CHMP4B: variants seen among roughly 807,000 people sequenced by gnomAD.
The protein encoded by CHMP4B is charged multivesicular body protein 4B, also known as SNF7 homolog associated with Alix 1.
A neutral mutation model predicts 25.1 loss-of-function variants in CHMP4B; 1 was observed. The observed-to-expected ratio is 0.04, with a 90% CI of 0.01 to 0.19. The LOEUF (loss-of-function observed/expected upper bound fraction) is 0.19. Among genes scored for constraint, CHMP4B ranks in the 10% least tolerant of loss-of-function variants. The pLI is 1.00. For synonymous variants in CHMP4B, 101 were observed against 115.6 expected, an observed-to-expected ratio of 0.87 and a Z score of 0.81; for missense variants, 151 against 289.7, an observed-to-expected ratio of 0.52 and a Z score of 3.48.
intron 1 of CHMP4B, among the ~76,000 whole-genome samples, chr20:33,813,505 G>C (rs1348978746): frequency 6.6e-6 from 1 of 152,152 alleles, no homozygotes; most frequent in Admixed American, 6.5e-5. Flanking sequence ...TTGTGGCTTG[G>C]ACTCCAGCTT....
chr20:33,849,878 C>T (rs1380072154), intron 2 of CHMP4B, among the ~76,000 whole-genome samples: 1 of 152,178 alleles, frequency 6.6e-6, no homozygotes, highest in East Asian at 1.9e-4. Context: ...TGGGCTCAAG[C>T]CATCCTCTCA....
intron 3 of CHMP4B, 23 bp from the exon 4 acceptor site, chr20:33,852,054 C>A: frequency 6.2e-7 from 1 of 1,613,386 alleles, no homozygotes; most frequent in South Asian, 1.1e-5. Flanking sequence ...GGAGGGCGCT[C>A]ACTTTGTGTT....
chr20:33,832,032 A>T (rs567082831), intron 1 of CHMP4B, among the ~76,000 whole-genome samples: 1 of 152,306 alleles, frequency 6.6e-6, no homozygotes, highest in Non-Finnish European at 1.5e-5. Flanking sequence ...TTCCAAAAGC[A>T]TAAAAGGCTG....
chr20:33,814,734 A>G (rs1003264882), intron 1 of CHMP4B, among the ~76,000 whole-genome samples: 6 of 152,224 alleles, frequency 3.9e-5, no homozygotes, highest in Non-Finnish European at 7.3e-5. Context: ...AGCTCAGTGC[A>G]GCCTGGCACT....
intron 1 of CHMP4B, among the ~76,000 whole-genome samples, chr20:33,831,957 C>G (rs1979264767): frequency 6.6e-6 from 1 of 152,218 alleles, no homozygotes; most frequent in African/African-American, 2.4e-5. Flanking sequence ...GTGCCCTTCA[C>G]CCCTTGCTGC....
At chr20:33,818,922 T>TTTG (rs1568605253) in intron 1 of CHMP4B, among the ~76,000 whole-genome samples, 177 of 152,278 alleles carry the variant, frequency 1.2e-3, no homozygotes, top group African/African-American at 4.0e-3. Flanking sequence ...TTGTTTGTTT[T>TTTG]TTTTTGAGAT....
intron 1 of CHMP4B, among the ~76,000 whole-genome samples, chr20:33,845,100 C>G (rs769206130): frequency 1.3e-5 from 2 of 152,008 alleles, no homozygotes; most frequent in Admixed American, 1.3e-4. Context: ...CACTTGCTGT[C>G]GTTCTGAGAC....
rs189336742 is a variant in CHMP4B, at chr20:33,838,557, C to T, written c.191-9910C>T. ...ATATTCAAATTTACGTATTAAGACACGACTTAAGACATGGGACAAATGAAG... is the reference window on the plus strand; with the variant it reads ...ATATTCAAATTTACGTATTAAGACATGACTTAAGACATGGGACAAATGAAG... On this transcript the variant is annotated intron_variant, in intron 1 of 4. Coordinates refer to ENST00000217402, the MANE Select transcript of CHMP4B (RefSeq NM_176812.5). Among the ~76,000 whole-genome samples the T allele has an allele frequency of 4.2e-3, 643 of 152,250 alleles. 1 individual carries two copies. The highest frequency in any genetic ancestry group is 6.8e-3 in the Middle Eastern group (2 of 294).
rs140218336 is a variant in CHMP4B, at chr20:33,825,269, C to G, written c.190+13611C>G. On this transcript the variant is annotated intron_variant, in intron 1 of 4. Coordinates refer to ENST00000217402, the MANE Select transcript of CHMP4B (RefSeq NM_176812.5). ...ATATTAATTCCCTTCAACCGATATT[C>G]ACTATATACCCACCGTCTTTCTTCC... 3.4e-3 allele frequency among the ~76,000 whole-genome samples: 522 copies of G among 152,316 alleles called. 3 individuals carry two copies. The highest frequency in any genetic ancestry group is 0.012 in the African/African-American group (500 of 41,564).
At chr20:33,828,166 G>A (rs1443652407) in intron 1 of CHMP4B, among the ~76,000 whole-genome samples, 2 of 152,152 alleles carry the variant, frequency 1.3e-5, no homozygotes, top group Non-Finnish European at 2.9e-5. Flanking sequence ...GTACATTCCT[G>A]TCTCTTAAGC....
chr20:33,817,033 A>G (rs1447454575), intron 1 of CHMP4B, among the ~76,000 whole-genome samples: 1 of 152,236 alleles, frequency 6.6e-6, no homozygotes, highest in Non-Finnish European at 1.5e-5. Flanking sequence ...TAATAAGTTT[A>G]TAGTCTTATG....
At chr20:33,823,800 G>A (rs975347533) in intron 1 of CHMP4B, among the ~76,000 whole-genome samples, 9 of 152,048 alleles carry the variant, frequency 5.9e-5, no homozygotes, top group East Asian at 1.9e-4. Context: ...TCGGCTTCCC[G>A]AAGTGCTGGG....
intron 1 of CHMP4B, among the ~76,000 whole-genome samples, chr20:33,823,090 GTTAAGTAATT>G (rs1978991419): frequency 6.6e-6 from 1 of 151,706 alleles, no homozygotes; most frequent in Non-Finnish European, 1.5e-5. Flanking sequence ...GCCCGGCCCA[GTTAAGTAATT>G]TTCATCATGC....
chr20:33,830,081 C>CA (rs1456271381), intron 1 of CHMP4B, among the ~76,000 whole-genome samples: 3 of 152,234 alleles, frequency 2.0e-5, no homozygotes, highest in Admixed American at 6.5e-5. Flanking sequence ...AACCAGGTCT[C>CA]ACGTGTGGTG....
At chr20:33,815,037 C>T (rs1216297881) in intron 1 of CHMP4B, among the ~76,000 whole-genome samples, 1 of 152,138 alleles carries the variant, frequency 6.6e-6, no homozygotes, top group Non-Finnish European at 1.5e-5. Flanking sequence ...TGTAGACTGA[C>T]CAGGAAGGGA....
At chr20:33,815,099 T>C (rs1978748201) in intron 1 of CHMP4B, among the ~76,000 whole-genome samples, 2 of 152,318 alleles carry the variant, frequency 1.3e-5, no homozygotes, top group South Asian at 4.1e-4. Flanking sequence ...CAGACCTGGG[T>C]TTGAGCTGCA....
rs1345714313 is a variant in CHMP4B, at chr20:33,853,961, T to C, written c.*401T>C. The C allele has an allele frequency of 9.5e-6, 3 of 315,396 alleles. No individual in the cohort carries two copies. Among genetic ancestry groups the C allele is most frequent in the African/African-American group, 6.4e-5 (3 of 46,514 alleles). The allele number at this position is 315,396 out of a possible 1,614,324, so 19.5% of individuals were successfully genotyped here. ...GTCAGTTGACTTGCCGCACATCTCT[T>C]TGTGTACTTGTACGGTACTGGCAGA... On this transcript the variant is annotated 3_prime_UTR_variant, in exon 5 of 5. Transcript: ENST00000217402.
intron 1 of CHMP4B, among the ~76,000 whole-genome samples, chr20:33,821,207 C>T (rs531121725): frequency 5.3e-5 from 8 of 151,788 alleles, no homozygotes; most frequent in Non-Finnish European, 7.4e-5. Context: ...GCCAGCAAGG[C>T]GAAACCCCAT....
chr20:33,811,492 CGGGGCTGGA>C lies in CHMP4B; in HGVS notation c.29_37del (p.Ala10_Gly12del). The C allele has an allele frequency of 6.3e-7, 1 of 1,584,362 alleles. No individual in the cohort carries two copies. The highest frequency in any genetic ancestry group is 8.6e-7 in the Non-Finnish European group (1 of 1,164,524). On this transcript the variant is annotated inframe_deletion, in exon 1 of 5. Transcript: ENST00000217402. Reference sequence around the variant, plus strand: ...CCATGTCGGTGTTCGGGAAGCTGTTCGGGGCTGGAGGGGGTAAGGCCGGCAAGGGCGGCC... The same window carrying C: ...CCATGTCGGTGTTCGGGAAGCTGTTCGGGGGTAAGGCCGGCAAGGGCGGCC...
Sources: allele counts gnomAD v4.1 joint callset (sites outside exome capture counted in the v4.1 genomes callset), GRCh38; gene constraint gnomAD v4.1.1; transcripts MANE v1.5; gene names NCBI Gene and HGNC (gene_info 2026-07-23, HGNC 2026-07-21).